The following ABCA13 variants were observed in gnomAD, a reference collection of about 807,000 sequenced individuals.
ABCA13 encodes ATP binding cassette subfamily A member 13.
In ABCA13, 476 loss-of-function variants were observed where a neutral mutation model predicts 478.7. The observed-to-expected ratio is 0.99, with a 90% confidence interval of 0.92 to 1.07. The LOEUF (loss-of-function observed/expected upper bound fraction) is 1.07. Among genes scored for constraint, ABCA13 ranks in the 50% least tolerant of loss-of-function variants. The pLI is 0.00. For synonymous variants in ABCA13, 2,252 were observed against 2,158.9 expected (o/e 1.04, Z -1.20); for missense variants, 6,060 against 5,910.6 (o/e 1.03, Z -0.83).
Position 48,314,269 on chromosome 7 carries a change from G to C in ABCA13, c.9719G>C (p.Gly3240Ala), listed in dbSNP as rs202121943. Residue 3240 changes from glycine to alanine, a missense_variant, in exon 26 of 62, where the codon GGT (glycine) becomes GCT (alanine). By Grantham distance (60) the Gly-to-Ala change is moderately conservative. Transcript: ENST00000435803. ...GTCCAGGCCAGAAGTTCAGCTTTTGGTTCTTTCCAGTTTGTGATGAAGATG... is the reference window on the plus strand; with the variant it reads ...GTCCAGGCCAGAAGTTCAGCTTTTGCTTCTTTCCAGTTTGTGATGAAGATG... ...QNVQARSSAFGSFQFVMKMVC... is the reference protein window; with the variant it reads ...QNVQARSSAFASFQFVMKMVC... 2.7e-4 allele frequency: 429 copies of C among 1,613,272 alleles called. 1 individual carries two copies. Among genetic ancestry groups the C allele is most frequent in the Admixed American group, 3.5e-4 (21 of 59,916 alleles).
intron 38 of ABCA13, among the ~76,000 whole-genome samples, chr7:48,403,148 T>G (rs943976993): frequency 5.3e-5 from 8 of 152,226 alleles, no homozygotes; most frequent in Admixed American, 5.2e-4. Context: ...TGTTCTTACA[T>G]TAATAGCAAA....
chr7:48,548,580 C>T (rs117686946), intron 55 of ABCA13, among the ~76,000 whole-genome samples: 1,931 of 148,448 alleles, frequency 0.013, 47 homozygotes, highest in East Asian at 0.036. Context: ...GATTGTTAAA[C>T]GTCAAAAGCA....
chr7:48,521,254 C>T (rs1017925709), intron 53 of ABCA13, among the ~76,000 whole-genome samples: 1 of 152,076 alleles, frequency 6.6e-6, no homozygotes, highest in Non-Finnish European at 1.5e-5. Context: ...TTTCCAAGGG[C>T]TATGTATTTC....
chr7:48,301,716 G>A (rs1800182550), intron 23 of ABCA13, among the ~76,000 whole-genome samples: 1 of 151,956 alleles, frequency 6.6e-6, no homozygotes, highest in Admixed American at 6.6e-5. Flanking sequence ...CAGGAGATTG[G>A]GGTTTGTGGT....
intron 19 of ABCA13, among the ~76,000 whole-genome samples, chr7:48,285,972 A>C (rs1797681482): frequency 6.6e-6 from 1 of 152,248 alleles, no homozygotes; most frequent in Admixed American, 6.5e-5. Flanking sequence ...GGAAAGCATG[A>C]CTTTGGATAT....
At chr7:48,641,011 T>A (rs1017210669) in intron 59 of ABCA13, among the ~76,000 whole-genome samples, 1 of 152,210 alleles carries the variant, frequency 6.6e-6, no homozygotes, top group Non-Finnish European at 1.5e-5. Context: ...TTTTTCGTAA[T>A]TCATGTTCTT....
chr7:48,394,870 A>G (rs1816617719), intron 38 of ABCA13, among the ~76,000 whole-genome samples: 1 of 152,126 alleles, frequency 6.6e-6, no homozygotes, highest in Admixed American at 6.5e-5. Flanking sequence ...CCTCAGGTGC[A>G]AACAATGAAG....
chr7:48,544,068 A>G (rs1784593743), intron 55 of ABCA13, among the ~76,000 whole-genome samples: 1 of 151,662 alleles, frequency 6.6e-6, no homozygotes, highest in Non-Finnish European at 1.5e-5. Context: ...TTGGTGCAAA[A>G]TCATTTAAAA....
At chr7:48,224,025 A>G (rs1787788426) in intron 5 of ABCA13, among the ~76,000 whole-genome samples, 1 of 151,396 alleles carries the variant, frequency 6.6e-6, no homozygotes. Context: ...CAGAGAGTGT[A>G]TATGACTCAA....
At chr7:48,315,222 C>G (rs1038105852) in intron 26 of ABCA13, among the ~76,000 whole-genome samples, 1 of 152,124 alleles carries the variant, frequency 6.6e-6, no homozygotes, top group East Asian at 1.9e-4. Context: ...CTAGTGTATT[C>G]GTTTTCTATG....
At chr7:48,591,158 T>C (rs1789699064) in intron 57 of ABCA13, among the ~76,000 whole-genome samples, 1 of 151,966 alleles carries the variant, frequency 6.6e-6, no homozygotes. Context: ...TTGTGTATGG[T>C]GTAAGATAAG....
Position 48,276,120 on chromosome 7 carries a change from G to A in ABCA13, c.6454G>A (p.Glu2152Lys). The change falls in exon 17 of 62, where the codon GAG becomes AAG. Residue 2152 changes from glutamate to lysine, a missense_variant. Glu to Lys is a moderately conservative substitution (Grantham distance 56). Transcript: ENST00000435803. Reference sequence around the variant, plus strand: ...AACATTATTCATTCCTGTGACCAATGAGAGTTCAACTGAAGATATAGCTTT... The same window carrying A: ...AACATTATTCATTCCTGTGACCAATAAGAGTTCAACTGAAGATATAGCTTT... ...IETLFIPVTN[E>K]SSTEDIALLA... 6.3e-7 allele frequency: 1 copy of A among 1,597,880 alleles called. No individual in the cohort carries two copies. The highest frequency in any genetic ancestry group is 8.5e-7 in the Non-Finnish European group (1 of 1,171,314).
chr7:48,254,240 C>T (rs2128705533), intron 15 of ABCA13, among the ~76,000 whole-genome samples: 1 of 151,236 alleles, frequency 6.6e-6, no homozygotes, highest in South Asian at 2.1e-4. Flanking sequence ...TATTTTTTTC[C>T]CCAATTCCTA....
chr7:48,594,069 A>G (rs1453425294), intron 57 of ABCA13, among the ~76,000 whole-genome samples: 1 of 152,056 alleles, frequency 6.6e-6, no homozygotes, highest in Non-Finnish European at 1.5e-5. Flanking sequence ...TAAGCTTCAT[A>G]TATCTTGATG....
At position 48,518,450 on chromosome 7, in the gene ABCA13, C is replaced by G. The variant is rs138180823; in HGVS notation, c.13797+1569C>G. On this transcript the variant is annotated intron_variant, in intron 52 of 61. Coordinates refer to ENST00000435803, the MANE Select transcript of ABCA13 (RefSeq NM_152701.5). ...AGGAAGCTGACCAGGAACCTTTCCA[C>G]TCATGAGGTTTTACCAGTGTGGCAA... Among the ~76,000 whole-genome samples, 294 of 152,216 alleles carry G rather than the reference C, an allele frequency of 1.9e-3. 2 individuals are homozygous for G. Among genetic ancestry groups the G allele is most frequent in the African/African-American group, 6.6e-3 (275 of 41,546 alleles).
intron 55 of ABCA13, among the ~76,000 whole-genome samples, chr7:48,530,823 T>G (rs1338418513): frequency 6.6e-6 from 1 of 152,180 alleles, no homozygotes; most frequent in African/African-American, 2.4e-5. Flanking sequence ...TAGCCCACTT[T>G]GTGATGGTAT....
At chr7:48,597,461 A>T (rs2131456748) in intron 58 of ABCA13, among the ~76,000 whole-genome samples, 1 of 152,212 alleles carries the variant, frequency 6.6e-6, no homozygotes, top group Non-Finnish European at 1.5e-5. Flanking sequence ...ACATGTTTTA[A>T]TTTTTTTAGA....
intron 43 of ABCA13, among the ~76,000 whole-genome samples, chr7:48,462,217 G>A (rs1471422286): frequency 5.3e-5 from 8 of 151,146 alleles, no homozygotes; most frequent in African/African-American, 1.5e-4. Context: ...CAGGTATTAC[G>A]GTATTATAAG....
At chr7:48,310,593 G>A (rs889859989) in intron 24 of ABCA13, among the ~76,000 whole-genome samples, 3 of 152,106 alleles carry the variant, frequency 2.0e-5, no homozygotes, top group Non-Finnish European at 4.4e-5. Context: ...ATCTGTCAGC[G>A]GGAAGCATCC....
Sources: gnomAD v4.1 joint callset for allele counts (sites outside exome capture counted in the v4.1 genomes callset) on GRCh38, gnomAD v4.1.1 for gene constraint, MANE v1.5 for transcripts, NCBI Gene and HGNC (gene_info 2026-07-23, HGNC 2026-07-21) for gene names.